Variants in SRGAP3 observed in about 807,000 individuals in gnomAD.
The protein encoded by SRGAP3 is SLIT-ROBO Rho GTPase-activating protein 3.
SRGAP3 carries 39 observed loss-of-function variants against 121.1 expected under a neutral mutation model. The observed-to-expected ratio is 0.32, with a 90% CI of 0.25 to 0.42. The LOEUF (loss-of-function observed/expected upper bound fraction) is 0.42, where lower values mean the gene tolerates loss of function less well. SRGAP3 is among the 10% of genes least tolerant of loss of function. The probability of loss-of-function intolerance (pLI) is 1.00; values close to 1 mark genes in which losing one functional copy is unlikely to be tolerated. For missense variants in SRGAP3, 1,213 were observed against 1,470.6 expected (o/e 0.82, Z 2.86); for synonymous variants, 601 against 570.0 (o/e 1.05, Z -0.77).
intron 1 of SRGAP3, among the ~76,000 whole-genome samples, chr3:9,340,145 T>TCTGC (rs1425820720): frequency 6.6e-6 from 1 of 152,180 alleles, no homozygotes; most frequent in Middle Eastern, 3.2e-3. Flanking sequence ...CCAGAAAGAT[T>TCTGC]CTGCCAGCAC....
chr3:9,177,795 C>A (rs772107363), intron 1 of SRGAP3, among the ~76,000 whole-genome samples: 15 of 152,290 alleles, frequency 9.8e-5, no homozygotes, highest in Middle Eastern at 3.4e-3. Flanking sequence ...ACTTTAACTC[C>A]TACTCTAGGG....
At chr3:9,300,445 C>T (rs1299772875) in intron 3 of SRGAP3, among the ~76,000 whole-genome samples, 1 of 151,986 alleles carries the variant, frequency 6.6e-6, no homozygotes, top group Non-Finnish European at 1.5e-5. Flanking sequence ...AGTGAGGCAT[C>T]TGCCCCTGTG....
intron 2 of SRGAP3, among the ~76,000 whole-genome samples, chr3:9,326,377 C>A (rs977641679): frequency 6.6e-6 from 1 of 151,808 alleles, no homozygotes; most frequent in Non-Finnish European, 1.5e-5. Context: ...TCAAATGTAC[C>A]TAAAGTTTTG....
chr3:9,249,320 C>T lies in SRGAP3; in HGVS notation c.-369G>A. The T allele has an allele frequency of 2.3e-6, 1 of 431,964 alleles. No individual in the cohort carries two copies. The highest frequency in any genetic ancestry group is 2.3e-5 in the South Asian group (1 of 43,480). 26.8% of individuals were successfully genotyped at this position (431,964 alleles called of 1,614,324 possible). A position where few individuals can be genotyped will look rare whatever the true frequency, so the allele number is the denominator to read the frequency against. ...ACACGTACACACACTCACGCATGCA[C>T]AGGCACACTCACCGGGACACGCACA... is the stretch of plus-strand genomic sequence containing the variant. On this transcript the variant is annotated 5_prime_UTR_variant, in exon 1 of 22. It adds an upstream start codon to the 5' untranslated region. Transcript: ENST00000383836.
chr3:9,171,536 C>T lies in SRGAP3; in HGVS notation c.68-46619G>A, dbSNP rs752416906. 2.4e-4 allele frequency among the ~76,000 whole-genome samples: 36 copies of T among 152,180 alleles called. 1 individual carries two copies. Among genetic ancestry groups the T allele is most frequent in the Admixed American group, 1.1e-3 (17 of 15,280 alleles). ...TGGGATTATGAGTCTTATTATCCCTCGCATGGTTCTACATGACTTGGAAGG... is the reference window on the plus strand; with the variant it reads ...TGGGATTATGAGTCTTATTATCCCTTGCATGGTTCTACATGACTTGGAAGG... On this transcript the variant is annotated intron_variant, in intron 1 of 21. Transcript: ENST00000383836.
intron 3 of SRGAP3, among the ~76,000 whole-genome samples, chr3:9,316,570 G>A (rs1955350204): frequency 6.6e-6 from 1 of 152,064 alleles, no homozygotes; most frequent in African/African-American, 2.4e-5. Context: ...TGAGGCAGGA[G>A]AATGGCTTGA....
At chr3:9,141,076 G>A (rs73811437) in intron 1 of SRGAP3, among the ~76,000 whole-genome samples, 538 of 152,122 alleles carry the variant, frequency 3.5e-3, no homozygotes, top group African/African-American at 0.012. Flanking sequence ...TAACCATATC[G>A]CCTCCAGCTT....
intron 8 of SRGAP3, among the ~76,000 whole-genome samples, chr3:9,055,661 T>C (rs1574989568): frequency 6.6e-6 from 1 of 152,198 alleles, no homozygotes; most frequent in African/African-American, 2.4e-5. Context: ...TAATTTAAAA[T>C]ACCTACTGTT....
intron 21 of SRGAP3, among the ~76,000 whole-genome samples, chr3:8,986,349 T>C (rs1051933960): frequency 1.3e-5 from 2 of 152,176 alleles, no homozygotes; most frequent in Non-Finnish European, 1.5e-5. Context: ...ACAGTCCCTG[T>C]GAAGAGCCTG....
intron 14 of SRGAP3, among the ~76,000 whole-genome samples, chr3:9,016,304 A>C (rs1215760020): frequency 6.6e-6 from 1 of 152,204 alleles, no homozygotes; most frequent in Non-Finnish European, 1.5e-5. Flanking sequence ...TGAGTCCTTT[A>C]AATGTAAAAT....
At chr3:9,031,468 T>C (rs9857142) in intron 12 of SRGAP3, among the ~76,000 whole-genome samples, 4,107 of 152,218 alleles carry the variant, frequency 0.027, 184 homozygotes, top group African/African-American at 0.091. Flanking sequence ...TTAGGCATCC[T>C]ACAGCAGCCC....
intron 1 of SRGAP3, chr3:9,330,599 G>A (rs1428572930): frequency 6.5e-6 from 1 of 152,824 alleles, no homozygotes; most frequent in East Asian, 1.9e-4. Context: ...GACATCATCT[G>A]ATAAAAGAAA....
At chr3:9,293,323 T>C (rs1206145605) in intron 3 of SRGAP3, 1 of 152,178 alleles carries the variant, frequency 6.6e-6, no homozygotes, top group Non-Finnish European at 1.5e-5. Context: ...TGGTGCCTCC[T>C]GGAAGGCTGG....
intron 3 of SRGAP3, among the ~76,000 whole-genome samples, chr3:9,255,010 A>G (rs572622252): frequency 8.4e-6 from 1 of 119,262 alleles, no homozygotes; most frequent in South Asian, 3.3e-4. Flanking sequence ...GAAGGAAGGA[A>G]GGAAAAAGAA....
At position 9,304,947 on chromosome 3, in the gene SRGAP3, C is replaced by A. The variant is rs187453071; in HGVS notation, n.442+21063G>T. 2.9e-4 allele frequency among the ~76,000 whole-genome samples: 44 copies of A among 152,296 alleles called. 1 individual carries two copies. Among genetic ancestry groups the A allele is most frequent in the Admixed American group, 2.6e-4 (4 of 15,284 alleles). On this transcript the variant is annotated intron_variant and non_coding_transcript_variant, in intron 3 of 3. Coordinates refer to the SRGAP3 transcript ENST00000490889. ...TCCTCTGTGCTGGCCTTCTGCTAAG[C>A]CTTTCTCAACAATACCTCATTTAAT...
At position 8,994,377 on chromosome 3, in the gene SRGAP3, G is replaced by A; in HGVS notation, c.2374C>T (p.Leu792Phe). ...WEGRHNGVDG[L>F]IPHQYIVVQD... ...ACAACTATGTACTGATGGGGGATGA[G>A]TCCATCCACGCCGTTGTGCCGGCCC... The change falls in exon 19 of 22, where the codon CTC becomes TTC. Residue 792 changes from leucine (L) to phenylalanine (F), a missense_variant. Transcript: ENST00000383836. The A allele has an allele frequency of 1.2e-6, 2 of 1,614,206 alleles. No individual in the cohort carries two copies. Among genetic ancestry groups the A allele is most frequent in the Non-Finnish European group, 1.7e-6 (2 of 1,180,044 alleles).
At chr3:9,117,909 A>G (rs960206833) in intron 2 of SRGAP3, among the ~76,000 whole-genome samples, 1 of 152,180 alleles carries the variant, frequency 6.6e-6, no homozygotes, top group African/African-American at 2.4e-5. Flanking sequence ...GCTTGAGTCC[A>G]GAAGTTTAAG....
At chr3:9,207,213 T>C (rs748941893) in intron 1 of SRGAP3, among the ~76,000 whole-genome samples, 2 of 152,138 alleles carry the variant, frequency 1.3e-5, no homozygotes, top group Non-Finnish European at 2.9e-5. Flanking sequence ...GATCCAGAGA[T>C]TAAAGAACAG....
At chr3:9,168,373 A>G (rs1950866031) in intron 1 of SRGAP3, among the ~76,000 whole-genome samples, 1 of 152,224 alleles carries the variant, frequency 6.6e-6, no homozygotes, top group Non-Finnish European at 1.5e-5. Context: ...CTGATTGGTC[A>G]GAAGCAACCC....
Sources: gnomAD v4.1 joint callset for allele counts (sites outside exome capture counted in the v4.1 genomes callset) on GRCh38, gnomAD v4.1.1 for gene constraint, MANE v1.5 for transcripts, NCBI Gene and HGNC (gene_info 2026-07-23, HGNC 2026-07-21) for gene names.